ARHGEF10L: variants seen among roughly 807,000 people sequenced by gnomAD.
The protein encoded by ARHGEF10L is rho guanine nucleotide exchange factor 10-like protein.
Under a neutral mutation model 141.2 loss-of-function variants are expected in ARHGEF10L, and 69 were observed. That is an observed-to-expected ratio of 0.49 (90% CI 0.40 to 0.60). The LOEUF (loss-of-function observed/expected upper bound fraction) is 0.60. ARHGEF10L is among the 20% of genes least tolerant of loss of function. ARHGEF10L has a pLI of 0.00. For missense variants in ARHGEF10L, 1,482 were observed against 1,734.3 expected, an observed-to-expected ratio of 0.85 and a Z score of 2.58; for synonymous variants, 711 against 718.5, an observed-to-expected ratio of 0.99 and a Z score of 0.17.
intron 26 of ARHGEF10L, among the ~76,000 whole-genome samples, chr1:17,676,862 T>C (rs941828389): frequency 6.6e-6 from 1 of 151,824 alleles, no homozygotes; most frequent in Non-Finnish European, 1.5e-5. Flanking sequence ...TGTCTTCTGA[T>C]TGGGCAGAAT....
chr1:17,519,653 T>C, the ARHGEF10L span, among the ~76,000 whole-genome samples: 2 of 151,812 alleles, frequency 1.3e-5, no homozygotes, highest in South Asian at 2.1e-4. Context: ...ATGGCCAACC[T>C]GGTGAAACCC....
rs1388610222 is a variant in ARHGEF10L at position 17,573,772 on chromosome 1, C to T, written c.-43-6781C>T. Among the ~76,000 whole-genome samples the T allele has an allele frequency of 4.6e-5, 7 of 151,932 alleles. No homozygotes were observed. The East Asian group carries it at 5.8e-4, about 13-fold the overall frequency. Reference sequence around the variant, plus strand: ...GAGACCTACTCCCAGGGCCCCCTCCCCAGTGCTCCCCACTCTTCCTGCCTG... The same window carrying T: ...GAGACCTACTCCCAGGGCCCCCTCCTCAGTGCTCCCCACTCTTCCTGCCTG... On this transcript the variant is annotated intron_variant, in intron 1 of 28. Coordinates refer to ENST00000361221, the MANE Select transcript of ARHGEF10L (RefSeq NM_018125.4). This position sits in a 1 kb window ranked among gnomAD's most constrained non-coding sequence, Gnocchi z 4.8.
rs767902474 is a variant in ARHGEF10L at position 17,656,032 on chromosome 1, G to A, written c.2635G>A (p.Glu879Lys). The A allele has an allele frequency of 4.5e-6, 7 of 1,571,324 alleles. No individual in the cohort carries two copies. Among genetic ancestry groups the A allele is most frequent in the South Asian group, 1.2e-5 (1 of 85,436 alleles). ...GGAGGAGGAGGCGGAGAGCAGAGAC[G>A]AGAGCCCGACAGTTGCTGACCCCTC... ...ELEEEAESRDESPTVADPSAT... is the reference protein window; with the variant it reads ...ELEEEAESRDKSPTVADPSAT... Residue 879 changes from glutamate to lysine, a missense_variant, in exon 24 of 29, where the codon GAG becomes AAG. Glu to Lys is a moderately conservative substitution (Grantham distance 56, BLOSUM62 1). This residue lies in a region of ARHGEF10L where 858 missense variants were observed against 966.3 expected (regional missense o/e 0.89). Transcript: ENST00000361221. The surrounding 1 kb of genome is among the most constrained non-coding windows in gnomAD (Gnocchi z 4.9).
rs2060197195 is a variant in ARHGEF10L at position 17,623,152 on chromosome 1, A to G, written c.1177A>G (p.Ile393Val). 8.1e-6 allele frequency: 13 copies of G among 1,612,806 alleles called. No homozygotes were observed. The East Asian group carries it at 2.5e-4, about 30-fold the overall frequency. Residue 393 changes from isoleucine (I) to valine (V), a missense_variant, in exon 12 of 29, where the codon ATC becomes GTC. Coordinates refer to ENST00000361221, the MANE Select transcript of ARHGEF10L (RefSeq NM_018125.4). This position sits in a 1 kb window ranked among gnomAD's most constrained non-coding sequence, Gnocchi z 4.7. ...GGCTGAGTGGGATTCCACCGAGAAG[A>G]TCGGGGACCTCTTCGTGGCCTCGGT... ...RVAEWDSTEK[I>V]GDLFVASFSK...
intron 1 of ARHGEF10L, among the ~76,000 whole-genome samples, chr1:17,544,094 A>G (rs2076831178): frequency 2.0e-5 from 3 of 150,812 alleles, no homozygotes; most frequent in African/African-American, 7.3e-5. Flanking sequence ...CTGGGATTAC[A>G]GGTGCCTGCC....
chr1:17,550,762 C>A (rs1430361769), intron 1 of ARHGEF10L, among the ~76,000 whole-genome samples: 3 of 151,958 alleles, frequency 2.0e-5, no homozygotes, highest in African/African-American at 7.3e-5. Flanking sequence ...GGTGTGACCA[C>A]CCAGAGAGAC....
intron 1 of ARHGEF10L, among the ~76,000 whole-genome samples, chr1:17,550,658 A>AT (rs966484058): frequency 2.0e-5 from 3 of 149,752 alleles, no homozygotes; most frequent in African/African-American, 4.9e-5. Context: ...ACGAAAAAAA[A>AT]AAAGCCAAAA....
At chr1:17,557,930 A>G (rs1400702878) in intron 1 of ARHGEF10L, among the ~76,000 whole-genome samples, 1 of 152,168 alleles carries the variant, frequency 6.6e-6, no homozygotes, top group African/African-American at 2.4e-5. Context: ...AGTAAATTCC[A>G]CACTGAAATA....
chr1:17,657,540 G>A (rs545368612), intron 25 of ARHGEF10L, among the ~76,000 whole-genome samples: 23 of 152,078 alleles, frequency 1.5e-4, no homozygotes, highest in African/African-American at 3.9e-4. Flanking sequence ...TGCCTTTTCC[G>A]CCAGCCAGGC....
At chr1:17,695,325 G>C (rs1297647563) in intron 28 of ARHGEF10L, 45 bp downstream of exon 28, 2 of 1,537,530 alleles carry the variant, frequency 1.3e-6, no homozygotes, top group South Asian at 2.6e-5. Context: ...GGGGTCAGCT[G>C]CAGGTGGCCA....
chr1:17,577,410 A>G (rs981768092), intron 1 of ARHGEF10L, among the ~76,000 whole-genome samples: 8 of 152,126 alleles, frequency 5.3e-5, no homozygotes, highest in Admixed American at 3.9e-4. Flanking sequence ...GATAGGATTA[A>G]CTCATCCAAG....
intron 7 of ARHGEF10L, among the ~76,000 whole-genome samples, chr1:17,610,712 C>T (rs1346917839): frequency 1.3e-5 from 2 of 152,198 alleles, no homozygotes; most frequent in African/African-American, 2.4e-5. Context: ...CAGCAGGGGT[C>T]TGGGGATGTG....
intron 1 of ARHGEF10L, among the ~76,000 whole-genome samples, chr1:17,576,314 A>T (rs999890348): frequency 5.3e-5 from 8 of 151,912 alleles, no homozygotes; most frequent in African/African-American, 1.9e-4. Context: ...AGCCAGGAAG[A>T]CACCTGCTGT....
intron 7 of ARHGEF10L, among the ~76,000 whole-genome samples, chr1:17,611,004 A>G (rs2059521049): frequency 6.6e-6 from 1 of 151,392 alleles, no homozygotes; most frequent in African/African-American, 2.4e-5. Flanking sequence ...CCCACTCTCC[A>G]GTGGTGACCT....
At chr1:17,571,992 G>T (rs36067858) in intron 1 of ARHGEF10L, among the ~76,000 whole-genome samples, 1 of 152,194 alleles carries the variant, frequency 6.6e-6, no homozygotes, top group South Asian at 2.1e-4. Flanking sequence ...AGGCCAGTTT[G>T]GGGGGGCTCC....
At chr1:17,524,449 G>A in the ARHGEF10L span, among the ~76,000 whole-genome samples, 1 of 148,070 alleles carries the variant, frequency 6.8e-6, no homozygotes, top group Non-Finnish European at 1.5e-5. Flanking sequence ...TGGCTCGCCT[G>A]TAGTCCCAGC....
chr1:17,633,534 T>A lies in ARHGEF10L; in HGVS notation c.1731-1014T>A, dbSNP rs763783519. On this transcript the variant is annotated intron_variant, in intron 16 of 28. Transcript: ENST00000361221. ...AATTTTTTTTTTAATTGTATTTTTA[T>A]TAGAGAGGGGTTTCACCATGTTGGC... Among the ~76,000 whole-genome samples, 246 of 151,962 alleles carry A rather than the reference T, an allele frequency of 1.6e-3. 2 individuals carry two copies. The highest frequency in any genetic ancestry group is 2.8e-3 in the Admixed American group (43 of 15,262).
rs200180384 is a variant in ARHGEF10L, at chr1:17,580,637, C to T, written c.37+5C>T. On this transcript the variant is annotated splice_donor_5th_base_variant and intron_variant, in intron 2 of 28. Transcript: ENST00000361221. The stretch of plus-strand genomic sequence containing the variant: ...CTCCTCCACAGCCTGCCATAGGTAC[C>T]GTACCCAGGGCTTCCTGTCCCTCTC... 116 of 1,614,068 alleles carry T rather than the reference C, an allele frequency of 7.2e-5. No homozygotes were observed. Among genetic ancestry groups the T allele is most frequent in the Middle Eastern group, 1.6e-4 (1 of 6,084 alleles).
intron 26 of ARHGEF10L, among the ~76,000 whole-genome samples, chr1:17,686,593 TC>T (rs943446396): frequency 5.3e-5 from 8 of 151,466 alleles, no homozygotes; most frequent in African/African-American, 1.5e-4. Context: ...GGAGGACAGT[TC>T]GGGGGGGCAG....
Sources: gnomAD v4.1 joint callset for allele counts (sites outside exome capture counted in the v4.1 genomes callset) on GRCh38, gnomAD v4.1.1 for gene constraint, gnomAD v4.1.1 regional missense constraint, Gnocchi (gnomAD v3.1) non-coding constraint, MANE v1.5 for transcripts, NCBI Gene and HGNC (gene_info 2026-07-23, HGNC 2026-07-21) for gene names.